The following RAB1A variants were observed in gnomAD, a reference collection of about 807,000 sequenced individuals.
RAB1A encodes ras-related protein Rab-1A.
A neutral mutation model predicts 26.0 loss-of-function variants in RAB1A; 2 were observed. That is an observed-to-expected ratio of 0.08 (90% CI 0.03 to 0.24). The LOEUF is 0.24. RAB1A is among the 10% of genes least tolerant of loss of function. RAB1A has a pLI of 1.00. For synonymous variants in RAB1A, 84 were observed against 84.9 expected (o/e 0.99, Z 0.06); for missense variants, 100 against 247.0 (o/e 0.40, Z 3.99).
At chr2:65,126,408 C>A (rs1670103183) in intron 1 of RAB1A, among the ~76,000 whole-genome samples, 1 of 151,038 alleles carries the variant, frequency 6.6e-6, no homozygotes, top group Non-Finnish European at 1.5e-5. Context: ...TTTGGGAGGC[C>A]AAGGCCCGGG....
At chr2:65,118,518 C>T (rs571350342) in intron 1 of RAB1A, among the ~76,000 whole-genome samples, 12 of 152,254 alleles carry the variant, frequency 7.9e-5, no homozygotes, top group Middle Eastern at 6.8e-3. Flanking sequence ...TGCTCTGTCG[C>T]GCAGGCTGAA....
intron 2 of RAB1A, 26 bp from the exon 3 acceptor site, chr2:65,098,092 A>G (rs1204592715): frequency 3.7e-6 from 5 of 1,344,550 alleles, no homozygotes; most frequent in Non-Finnish European, 5.1e-6. Flanking sequence ...ATTAACAATT[A>G]AATGTATTGT....
At chr2:65,119,492 C>G (rs2103875732) in intron 1 of RAB1A, among the ~76,000 whole-genome samples, 1 of 149,190 alleles carries the variant, frequency 6.7e-6, no homozygotes, top group African/African-American at 2.5e-5. Context: ...GGGTGGGAGG[C>G]AGAAGTTGCA....
chr2:65,098,800 C>G (rs1261967449), intron 2 of RAB1A, among the ~76,000 whole-genome samples: 1 of 148,288 alleles, frequency 6.7e-6, no homozygotes, highest in Admixed American at 6.7e-5. Flanking sequence ...AGAATGTTTT[C>G]AAGGTTCATC....
Position 65,130,069 on chromosome 2 carries a change from G to A in RAB1A, c.-154C>T. ...TACTCCGTCCCCTAGAACACAATCAGCAGCCGCCGCCACTCAGCTATCGCT... is the reference window on the plus strand; with the variant it reads ...TACTCCGTCCCCTAGAACACAATCAACAGCCGCCGCCACTCAGCTATCGCT... On this transcript the variant is annotated 5_prime_UTR_variant, in exon 1 of 6. Transcript: ENST00000409784. 1.2e-6 allele frequency: 1 copy of A among 844,660 alleles called. No individual in the cohort carries two copies. The highest frequency in any genetic ancestry group is 1.9e-6 in the Non-Finnish European group (1 of 521,250). 52.3% of individuals were successfully genotyped at this position (844,660 alleles called of 1,614,324 possible). A position where few individuals can be genotyped will look rare whatever the true frequency, so the allele number is the denominator to read the frequency against.
chr2:65,118,674 C>T (rs1055410524), intron 1 of RAB1A, among the ~76,000 whole-genome samples: 1 of 152,016 alleles, frequency 6.6e-6, no homozygotes, highest in Admixed American at 6.6e-5. Context: ...GACAGGGTTT[C>T]ACTGTGTTGC....
At chr2:65,127,692 A>G (rs1472017827) in intron 1 of RAB1A, among the ~76,000 whole-genome samples, 1 of 152,114 alleles carries the variant, frequency 6.6e-6, no homozygotes, top group Non-Finnish European at 1.5e-5. Context: ...GCGCCATTGC[A>G]CTCCAGCCTG....
Position 65,116,424 on chromosome 2 carries a change from T to A in RAB1A, c.24-11618A>T, listed in dbSNP as rs543632051. 3.3e-5 allele frequency among the ~76,000 whole-genome samples: 5 copies of A among 152,270 alleles called. No homozygotes were observed. In the South Asian group the frequency reaches 1.0e-3, roughly 32 times the overall value. On this transcript the variant is annotated intron_variant, in intron 1 of 5. Transcript: ENST00000409784. ...GCTCTACTGCATACCAGCCATAGGA[T>A]CTTGGTGCAAGTTATTCACTTACCA...
At chr2:65,089,702 A>ATTTTTTTTTTTTTTTTTTTTTTTTTTTT (rs58993413) in intron 4 of RAB1A, among the ~76,000 whole-genome samples, 1 of 141,950 alleles carries the variant, frequency 7.0e-6, no homozygotes, top group African/African-American at 2.7e-5. Flanking sequence ...AATTTGATTA[A>ATTTTTTTTTTTTTTTTTTTTTTTTTTTT]TTTTTTTTTT....
intron 2 of RAB1A, 140 bp downstream of exon 2, chr2:65,104,594 G>A: frequency 4.6e-6 from 3 of 647,288 alleles, no homozygotes; most frequent in Non-Finnish European, 5.4e-6. Context: ...CACTGGGGAT[G>A]TATATTTGGA....
At position 65,088,178 on chromosome 2, in the gene RAB1A, A is replaced by G. The variant is rs1170599244; in HGVS notation, c.*315T>C. Reference sequence around the variant, plus strand: ...AAACCTGACATCTAAACATGCCAATATAAACATCAAAACAAAATATATTCT... The same window carrying G: ...AAACCTGACATCTAAACATGCCAATGTAAACATCAAAACAAAATATATTCT... On this transcript the variant is annotated 3_prime_UTR_variant, in exon 6 of 6. Transcript: ENST00000409784. 4.3e-6 allele frequency: 1 copy of G among 231,798 alleles called. No individual in the cohort carries two copies. Among genetic ancestry groups the G allele is most frequent in the Non-Finnish European group, 8.3e-6 (1 of 120,574 alleles). The allele number at this position is 231,798 out of a possible 1,614,324, so 14.4% of individuals were successfully genotyped here.
chr2:65,091,958 T>C (rs541498322), intron 3 of RAB1A, among the ~76,000 whole-genome samples: 1 of 152,332 alleles, frequency 6.6e-6, no homozygotes, highest in African/African-American at 2.4e-5. Flanking sequence ...GCTAACATTA[T>C]TGCATTATAG....
At chr2:65,106,754 T>C (rs567238746) in intron 1 of RAB1A, among the ~76,000 whole-genome samples, 6 of 151,086 alleles carry the variant, frequency 4.0e-5, no homozygotes, top group African/African-American at 1.5e-4. Context: ...AAGATCGCTA[T>C]TGTAGAATAT....
At chr2:65,089,734 G>A (rs905897610) in intron 4 of RAB1A, among the ~76,000 whole-genome samples, 24 of 134,072 alleles carry the variant, frequency 1.8e-4, no homozygotes, top group African/African-American at 6.2e-4. Context: ...ACAAAGTCTT[G>A]TTCTGTCATC....
chr2:65,095,147 G>A (rs1669253346), intron 3 of RAB1A, among the ~76,000 whole-genome samples: 1 of 151,878 alleles, frequency 6.6e-6, no homozygotes. Context: ...AGAATCACTA[G>A]GAATAAATAA....
chr2:65,100,059 C>G (rs6725335), intron 2 of RAB1A, among the ~76,000 whole-genome samples: 1 of 152,074 alleles, frequency 6.6e-6, no homozygotes, highest in African/African-American at 2.4e-5. Flanking sequence ...CAAATGGAAA[C>G]TGTATTTTGC....
At chr2:65,100,978 T>C (rs1336131446) in intron 2 of RAB1A, among the ~76,000 whole-genome samples, 1 of 151,744 alleles carries the variant, frequency 6.6e-6, no homozygotes, top group Non-Finnish European at 1.5e-5. Flanking sequence ...AAACCCCATC[T>C]CTACTAAAAA....
chr2:65,128,569 T>G (rs931551334), intron 1 of RAB1A, among the ~76,000 whole-genome samples: 1 of 152,184 alleles, frequency 6.6e-6, no homozygotes, highest in African/African-American at 2.4e-5. Flanking sequence ...TTCTGTTTAG[T>G]GCAAAAGATT....
intron 1 of RAB1A, among the ~76,000 whole-genome samples, chr2:65,119,841 C>CAAAA (rs1178958164): frequency 0.062 from 2,248 of 36,406 alleles, 446 homozygotes; most frequent in African/African-American, 0.21. Flanking sequence ...CCTGTCTCTA[C>CAAAA]AAAAAAAAAA....
Sources: gnomAD v4.1 joint callset for allele counts (sites outside exome capture counted in the v4.1 genomes callset) on GRCh38, gnomAD v4.1.1 for gene constraint, MANE v1.5 for transcripts, NCBI Gene and HGNC (gene_info 2026-07-23, HGNC 2026-07-21) for gene names.